The following MTPN variants were observed in gnomAD, a reference collection of about 807,000 sequenced individuals.
MTPN encodes the protein granule cell differentiation protein.
Under a neutral mutation model 13.5 loss-of-function variants are expected in MTPN, and 2 were observed. The ratio of observed to expected loss-of-function variants is 0.15; its 90% confidence interval spans 0.06 to 0.47. The LOEUF (loss-of-function observed/expected upper bound fraction) is 0.47. MTPN is among the 20% of genes least tolerant of loss of function. The pLI is 0.97. For synonymous variants in MTPN, 46 were observed against 51.7 expected, an observed-to-expected ratio of 0.89 and a Z score of 0.48; for missense variants, 79 against 137.9, an observed-to-expected ratio of 0.57 and a Z score of 2.14.
At chr7:135,937,029 C>A (rs1235503073) in intron 3 of MTPN, among the ~76,000 whole-genome samples, 1 of 152,116 alleles carries the variant, frequency 6.6e-6, no homozygotes, top group East Asian at 1.9e-4. Flanking sequence ...CATGAAACAA[C>A]AAGAACATAT....
Position 135,951,766 on chromosome 7 carries a change from T to A in MTPN, c.73-136A>T, listed in dbSNP as rs542124570. On this transcript the variant is annotated intron_variant, in intron 1 of 3. Transcript: ENST00000393085. Reference sequence around the variant, plus strand: ...AATTAACATTTCTTGCAAAATAAAATAACCAAAAACTTGAAATGAAATTCT... The same window carrying A: ...AATTAACATTTCTTGCAAAATAAAAAAACCAAAAACTTGAAATGAAATTCT... The A allele has an allele frequency of 4.8e-4, 265 of 555,140 alleles. 1 individual carries two copies. In the African/African-American group the frequency reaches 4.8e-3, roughly 10 times the overall value. The allele number at this position is 555,140 out of a possible 1,614,324, so 34.4% of individuals were successfully genotyped here.
chr7:135,954,712 G>A (rs1364958033), intron 1 of MTPN, among the ~76,000 whole-genome samples: 2 of 152,182 alleles, frequency 1.3e-5, no homozygotes, highest in Non-Finnish European at 2.9e-5. Context: ...GGAGGCCGAG[G>A]CGGGAGGATC....
chr7:135,972,827 T>C (rs62489155), intron 1 of MTPN, among the ~76,000 whole-genome samples: 17,017 of 151,354 alleles, frequency 0.11, 1,206 homozygotes, highest in East Asian at 0.16. Flanking sequence ...ATCGGTATGG[T>C]GTTTTTCTGT....
At chr7:135,972,194 T>C (rs1799702991) in intron 1 of MTPN, among the ~76,000 whole-genome samples, 1 of 150,326 alleles carries the variant, frequency 6.7e-6, no homozygotes, top group South Asian at 2.1e-4. Flanking sequence ...CAAACTGATA[T>C]GGTTATAAAT....
rs778744544 is a variant in MTPN at position 135,929,946 on chromosome 7, T to C, written c.337A>G (p.Ile113Val). The C allele has an allele frequency of 1.9e-6, 3 of 1,613,992 alleles. No homozygotes were observed. Among genetic ancestry groups the C allele is most frequent in the Non-Finnish European group, 2.5e-6 (3 of 1,179,922 alleles). The change falls in exon 4 of 4, where the codon ATC (isoleucine) becomes GTC (valine). Residue 113 changes from isoleucine (I) to valine (V), a missense_variant. By Grantham distance (29) the Ile-to-Val change is conservative. Transcript: ENST00000393085. ...ATCCATCACTGGAGAAGAGCTTTGA[T>C]TGCCTGGTTGTCAGTGGCTTCAAAG... ...TAFEATDNQA[I>V]KALLQ
At chr7:135,953,982 T>C (rs1292098976) in intron 1 of MTPN, among the ~76,000 whole-genome samples, 1 of 147,356 alleles carries the variant, frequency 6.8e-6, no homozygotes, top group Non-Finnish European at 1.5e-5. Flanking sequence ...ATAATGTATA[T>C]ATATAATGTC....
intron 1 of MTPN, among the ~76,000 whole-genome samples, chr7:135,973,459 G>C (rs1440260864): frequency 6.6e-6 from 1 of 150,842 alleles, no homozygotes; most frequent in African/African-American, 2.4e-5. Context: ...TGAAAATGGA[G>C]ACACAATAGG....
chr7:135,946,914 T>C (rs772567187), intron 3 of MTPN, among the ~76,000 whole-genome samples: 6 of 152,144 alleles, frequency 3.9e-5, no homozygotes, highest in East Asian at 1.9e-4. Context: ...CTTCACACTC[T>C]CACTCCTCTG....
chr7:135,970,809 CTAA>C (rs1275340988), intron 1 of MTPN, among the ~76,000 whole-genome samples: 1 of 152,022 alleles, frequency 6.6e-6, no homozygotes, highest in South Asian at 2.1e-4. Context: ...AGAATCTATA[CTAA>C]TGTTTCTCTG....
intron 1 of MTPN, among the ~76,000 whole-genome samples, chr7:135,964,929 G>A (rs1799581195): frequency 6.6e-6 from 1 of 152,002 alleles, no homozygotes; most frequent in Admixed American, 6.6e-5. Flanking sequence ...TACGGCTCAT[G>A]GGTCAAAGCC....
rs527821132 is a variant in MTPN, at chr7:135,976,886, C to T, written c.72+143G>A. 3.3e-5 allele frequency: 25 copies of T among 763,052 alleles called. No homozygotes were observed. In the South Asian group the frequency reaches 3.5e-4, roughly 11 times the overall value. The allele number at this position is 763,052 out of a possible 1,614,324, so 47.3% of individuals were successfully genotyped here. ...TTCAGTTTAGCTCCTCCCTAGACGC[C>T]CCTCTCTCCTTGGTGCCGCCTCCAC... On this transcript the variant is annotated intron_variant, in intron 1 of 3. Transcript: ENST00000393085.
At chr7:135,976,718 T>C (rs1370671891) in intron 1 of MTPN, among the ~76,000 whole-genome samples, 1 of 152,068 alleles carries the variant, frequency 6.6e-6, no homozygotes, top group Non-Finnish European at 1.5e-5. Flanking sequence ...CAAACTCAAA[T>C]GATCAGTGCG....
intron 1 of MTPN, among the ~76,000 whole-genome samples, chr7:135,962,801 T>C (rs1799545749): frequency 1.3e-5 from 2 of 152,048 alleles, no homozygotes; most frequent in Non-Finnish European, 2.9e-5. Context: ...ATTTGAATAA[T>C]AAACAGTACA....
chr7:135,951,696 AC>A, intron 1 of MTPN, 66 bp from the exon 2 acceptor site: 1 of 994,666 alleles, frequency 1.0e-6, no homozygotes. Flanking sequence ...GAAATGAGGC[AC>A]CTGATACTTT....
intron 1 of MTPN, among the ~76,000 whole-genome samples, chr7:135,976,610 T>C (rs1487469903): frequency 6.6e-6 from 1 of 152,226 alleles, no homozygotes; most frequent in South Asian, 2.1e-4. Flanking sequence ...CCTCTGATCC[T>C]AATTACTTAG....
chr7:135,926,840 A>G lies in MTPN; in HGVS notation c.*3086T>C, dbSNP rs1798927119. The G allele has an allele frequency of 6.5e-6, 1 of 152,992 alleles. No homozygotes were observed. Among genetic ancestry groups the G allele is most frequent in the African/African-American group, 2.4e-5 (1 of 41,464 alleles). 9.5% of individuals were successfully genotyped at this position (152,992 alleles called of 1,614,324 possible). On this transcript the variant is annotated 3_prime_UTR_variant, in exon 4 of 4. Transcript: ENST00000393085. The stretch of plus-strand genomic sequence containing the variant: ...AGTATTATTTAGCATTCGGATGTAC[A>G]TGAACTAGGATACTTATGAGAAACC...
At position 135,929,039 on chromosome 7, in the gene MTPN, A is replaced by C. The variant is rs1194703992; in HGVS notation, c.*887T>G. The C allele has an allele frequency of 1.2e-5, 2 of 167,104 alleles. No homozygotes were observed. Among genetic ancestry groups the C allele is most frequent in the African/African-American group, 2.4e-5 (1 of 41,456 alleles). 10.4% of individuals were successfully genotyped at this position (167,104 alleles called of 1,614,324 possible). A position where few individuals can be genotyped will look rare whatever the true frequency, so the allele number is the denominator to read the frequency against. ...AATCCATTCAAACAGCAAATAAAGA[A>C]AATCCATAGGTACTAAGATAACTGT... On this transcript the variant is annotated 3_prime_UTR_variant, in exon 4 of 4. Coordinates refer to ENST00000393085, the MANE Select transcript of MTPN (RefSeq NM_145808.4).
Position 135,956,165 on chromosome 7 carries a change from A to G in MTPN, c.73-4535T>C, listed in dbSNP as rs151320603. On this transcript the variant is annotated intron_variant, in intron 1 of 3. Coordinates refer to ENST00000393085, the MANE Select transcript of MTPN (RefSeq NM_145808.4). ...ATGACAATTTCACCAGGTTTTCAGC[A>G]GTCTTGATGCACCGGTGGTAGGTCC... Among the ~76,000 whole-genome samples the G allele has an allele frequency of 1.6e-3, 251 of 152,330 alleles. 1 individual carries two copies. Among genetic ancestry groups the G allele is most frequent in the African/African-American group, 5.6e-3 (234 of 41,578 alleles).
intron 3 of MTPN, among the ~76,000 whole-genome samples, chr7:135,936,478 C>A (rs748509157): frequency 6.6e-6 from 1 of 152,096 alleles, no homozygotes; most frequent in Non-Finnish European, 1.5e-5. Context: ...GAGTGAGACT[C>A]CGTCTCAAAC....
Sources: allele counts gnomAD v4.1 joint callset (sites outside exome capture counted in the v4.1 genomes callset), GRCh38; gene constraint gnomAD v4.1.1; transcripts MANE v1.5; gene names NCBI Gene and HGNC (gene_info 2026-07-23, HGNC 2026-07-21).